STT3B: variants seen among roughly 807,000 people sequenced by gnomAD.
STT3B encodes STT3 oligosaccharyltransferase complex catalytic subunit B.
STT3B carries 29 observed loss-of-function variants against 96.8 expected under a neutral mutation model. That is an observed-to-expected ratio of 0.30 (90% CI 0.22 to 0.41). STT3B has a LOEUF of 0.41. STT3B is among the 10% of genes least tolerant of loss of function. STT3B has a pLI of 1.00. For synonymous variants in STT3B, 367 were observed against 360.0 expected, an observed-to-expected ratio of 1.02 and a Z score of -0.22; for missense variants, 640 against 1,022.3, an observed-to-expected ratio of 0.63 and a Z score of 5.10.
chr3:31,615,040 C>T, intron 5 of STT3B, 65 bp from the exon 6 acceptor site: 1 of 942,116 alleles, frequency 1.1e-6, no homozygotes, highest in Non-Finnish European at 1.6e-6. Flanking sequence ...TTTACATATA[C>T]ATTTATGTTT....
intron 15 of STT3B, among the ~76,000 whole-genome samples, chr3:31,635,608 A>G (rs1699741846): frequency 2.0e-5 from 3 of 152,128 alleles, no homozygotes; most frequent in African/African-American, 7.2e-5. Context: ...GCACACACCT[A>G]ATTTCCTGGA....
chr3:31,560,787 C>A (rs1292611527), intron 1 of STT3B, among the ~76,000 whole-genome samples: 1 of 152,038 alleles, frequency 6.6e-6, no homozygotes. Context: ...CTCTGGATGT[C>A]CAAATCTCTT....
chr3:31,544,789 A>T (rs924896350), intron 1 of STT3B, among the ~76,000 whole-genome samples: 5 of 152,304 alleles, frequency 3.3e-5, no homozygotes, highest in African/African-American at 1.2e-4. Flanking sequence ...CAGCCTGGCC[A>T]ACATGATGAA....
Position 31,622,422 on chromosome 3 carries a change from G to A in STT3B, c.1539+114G>A, listed in dbSNP as rs1010050804. 72 of 935,696 alleles carry A rather than the reference G, an allele frequency of 7.7e-5. 1 individual carries two copies. The highest frequency in any genetic ancestry group is 6.3e-4 in the Middle Eastern group (2 of 3,158). The allele number at this position is 935,696 out of a possible 1,614,324, so 58.0% of individuals were successfully genotyped here. A position where few individuals can be genotyped will look rare whatever the true frequency, so the allele number is the denominator to read the frequency against. On this transcript the variant is annotated intron_variant, in intron 10 of 15. Transcript: ENST00000295770. ...TATTAAATGATGATTTGGACAAACT[G>A]TGACTTTTCTAGTTGGTCTCCACTG...
chr3:31,565,296 A>G (rs568064081), intron 1 of STT3B, among the ~76,000 whole-genome samples: 2 of 152,238 alleles, frequency 1.3e-5, no homozygotes, highest in Admixed American at 6.5e-5. Flanking sequence ...TACTATTCAA[A>G]TGATAGCAGG....
chr3:31,588,813 A>G (rs1446706628), intron 3 of STT3B, among the ~76,000 whole-genome samples: 2 of 151,992 alleles, frequency 1.3e-5, no homozygotes, highest in African/African-American at 4.8e-5. Context: ...GTCAGTTTAT[A>G]TTTATGGGGC....
intron 1 of STT3B, among the ~76,000 whole-genome samples, chr3:31,573,004 ATC>A (rs1391035640): frequency 2.0e-5 from 3 of 152,184 alleles, no homozygotes; most frequent in Non-Finnish European, 1.5e-5. Flanking sequence ...AAATGACAGA[ATC>A]TCTTAGAAAT....
At chr3:31,618,921 A>C (rs1699370715) in intron 8 of STT3B, among the ~76,000 whole-genome samples, 2 of 151,464 alleles carry the variant, frequency 1.3e-5, no homozygotes, top group Non-Finnish European at 2.9e-5. Flanking sequence ...TATAACTGTA[A>C]AGTAAAATTG....
At chr3:31,570,779 G>GC (rs1261695734) in intron 1 of STT3B, among the ~76,000 whole-genome samples, 2 of 152,148 alleles carry the variant, frequency 1.3e-5, no homozygotes, top group Admixed American at 1.3e-4. Flanking sequence ...TAGTCAAGGA[G>GC]CAGGGATAGG....
At chr3:31,615,012 A>G in intron 5 of STT3B, 93 bp from the exon 6 acceptor site, 1 of 652,826 alleles carries the variant, frequency 1.5e-6, no homozygotes, top group Non-Finnish European at 2.6e-6. Flanking sequence ...TTCAGTTAAT[A>G]CTTTGCTAAA....
intron 6 of STT3B, among the ~76,000 whole-genome samples, chr3:31,616,636 G>A (rs1345528339): frequency 6.6e-6 from 1 of 151,714 alleles, no homozygotes; most frequent in Non-Finnish European, 1.5e-5. Context: ...TAGAGGAAAG[G>A]GAGGAACTTA....
chr3:31,579,626 C>G (rs980414000), intron 2 of STT3B, among the ~76,000 whole-genome samples, 183 bp from the exon 3 acceptor site: 1 of 150,518 alleles, frequency 6.6e-6, no homozygotes, highest in Non-Finnish European at 1.5e-5. Flanking sequence ...TGAGCTAGTT[C>G]TTTGTATGCA....
At chr3:31,544,185 T>A in intron 1 of STT3B, among the ~76,000 whole-genome samples, 1 of 152,220 alleles carries the variant, frequency 6.6e-6, no homozygotes, top group East Asian at 1.9e-4. Flanking sequence ...TTTAACTTTA[T>A]GATTATAGTT....
At chr3:31,539,064 A>G (rs1381981612) in intron 1 of STT3B, among the ~76,000 whole-genome samples, 3 of 152,260 alleles carry the variant, frequency 2.0e-5, no homozygotes, top group Non-Finnish European at 4.4e-5. Flanking sequence ...TAGGCTTGCC[A>G]GGAAATCTAA....
intron 14 of STT3B, among the ~76,000 whole-genome samples, chr3:31,630,632 T>G (rs1699634627): frequency 6.6e-6 from 1 of 152,210 alleles, no homozygotes; most frequent in Admixed American, 6.5e-5. Flanking sequence ...CACTGAAAAC[T>G]GCTTATTTCT....
chr3:31,591,438 G>A (rs908051626), intron 3 of STT3B, among the ~76,000 whole-genome samples: 3 of 152,016 alleles, frequency 2.0e-5, no homozygotes, highest in African/African-American at 7.2e-5. Flanking sequence ...AGTATTGTTT[G>A]ATTTGCACCT....
Position 31,563,034 on chromosome 3 carries a change from C to G in STT3B, c.315-13362C>G, listed in dbSNP as rs143080457. Reference sequence around the variant, plus strand: ...TGGGAATGTAGACCTTAGGGGGTCTCTCACCCTTTTTCTGCATTATAAGCC... The same window carrying G: ...TGGGAATGTAGACCTTAGGGGGTCTGTCACCCTTTTTCTGCATTATAAGCC... On this transcript the variant is annotated intron_variant, in intron 1 of 15. Coordinates refer to ENST00000295770, the MANE Select transcript of STT3B (RefSeq NM_178862.3). Among the ~76,000 whole-genome samples, 187 of 152,202 alleles carry G rather than the reference C, an allele frequency of 1.2e-3. 1 individual carries two copies. The highest frequency in any genetic ancestry group is 6.8e-3 in the Middle Eastern group (2 of 294).
Position 31,615,142 on chromosome 3 carries a change from A to G in STT3B, c.915A>G (p.Ser305=), listed in dbSNP as rs1428857693. Residue 305 remains serine (S), a synonymous_variant, in exon 6 of 16, where the codon TCA becomes TCG. Transcript: ENST00000295770. ...TCTACATTGTGGGTTTAATATTATCAATGCAGATACCTTTTGTGGGATTCC... is the reference window on the plus strand; with the variant it reads ...TCTACATTGTGGGTTTAATATTATCGATGCAGATACCTTTTGTGGGATTCC... The part of the protein sequence containing the change: ...STFYIVGLIL[S]MQIPFVGFQP... 1 of 1,611,144 alleles carries G rather than the reference A, an allele frequency of 6.2e-7. No individual in the cohort carries two copies. The highest frequency in any genetic ancestry group is 2.2e-5 in the East Asian group (1 of 44,732).
intron 3 of STT3B, 53 bp from the exon 4 acceptor site, chr3:31,596,745 C>G: frequency 1.4e-6 from 2 of 1,406,114 alleles, no homozygotes; most frequent in Non-Finnish European, 1.0e-6. Context: ...TTTAAAAATT[C>G]CGCAAGAACA....
Sources: allele counts gnomAD v4.1 joint callset (sites outside exome capture counted in the v4.1 genomes callset), GRCh38; gene constraint gnomAD v4.1.1; transcripts MANE v1.5; gene names NCBI Gene and HGNC (gene_info 2026-07-23, HGNC 2026-07-21).